Variants in KATNIP observed in about 807,000 individuals in gnomAD.
KATNIP encodes the protein katanin-interacting protein.
A neutral mutation model predicts 174.0 loss-of-function variants in KATNIP; 126 were observed. The observed-to-expected ratio is 0.72, with a 90% CI of 0.63 to 0.84. The LOEUF (loss-of-function observed/expected upper bound fraction) is 0.84. Ranked by LOEUF, KATNIP falls within the 40% of genes least tolerant of loss-of-function variation. The pLI is 0.00. For synonymous variants in KATNIP, 810 were observed against 835.7 expected (o/e 0.97, Z 0.53); for missense variants, 1,958 against 2,109.7 (o/e 0.93, Z 1.41).
intron 8 of KATNIP, among the ~76,000 whole-genome samples, chr16:27,683,061 C>T (rs1366668469): frequency 1.3e-5 from 2 of 152,134 alleles, no homozygotes; most frequent in African/African-American, 4.8e-5. Context: ...TTTGATATTA[C>T]CTAGTTTCAG....
At chr16:27,716,948 G>A (rs567542846) in intron 13 of KATNIP, among the ~76,000 whole-genome samples, 2 of 152,156 alleles carry the variant, frequency 1.3e-5, no homozygotes, top group East Asian at 1.9e-4. Context: ...GGGTTCGAGC[G>A]ATTCTTCTGC....
rs957053806 is a variant in KATNIP at position 27,780,258 on chromosome 16, G to T, written c.*1629G>T. ...ACCGCAGCTGATGTTTATAATAATC[G>T]TATGTACTGTGCAATTTAGGAGGGG... is the stretch of plus-strand genomic sequence containing the variant. On this transcript the variant is annotated 3_prime_UTR_variant, in exon 28 of 28. Coordinates refer to ENST00000261588, the MANE Select transcript of KATNIP (RefSeq NM_015202.5). 6.6e-6 allele frequency: 1 copy of T among 152,030 alleles called. No homozygotes were observed. Among genetic ancestry groups the T allele is most frequent in the African/African-American group, 2.4e-5 (1 of 41,282 alleles). 9.4% of individuals were successfully genotyped at this position (152,030 alleles called of 1,614,324 possible). A position where few individuals can be genotyped will look rare whatever the true frequency, so the allele number is the denominator to read the frequency against.
intron 2 of KATNIP, among the ~76,000 whole-genome samples, chr16:27,581,575 A>T (rs1471737391): frequency 6.6e-6 from 1 of 152,160 alleles, no homozygotes; most frequent in Non-Finnish European, 1.5e-5. Flanking sequence ...ACTTGGGGGT[A>T]TATCTAGCAC....
chr16:27,695,239 A>G (rs2078874664), intron 8 of KATNIP, among the ~76,000 whole-genome samples: 1 of 152,084 alleles, frequency 6.6e-6, no homozygotes, highest in Non-Finnish European at 1.5e-5. Flanking sequence ...CTGCACCTAC[A>G]TCAGATCTGG....
chr16:27,758,011 C>T (rs1379694426), intron 18 of KATNIP, among the ~76,000 whole-genome samples: 1 of 152,172 alleles, frequency 6.6e-6, no homozygotes, highest in Non-Finnish European at 1.5e-5. Context: ...TGTATAAATA[C>T]TAATTGATAC....
At chr16:27,761,811 A>T (rs1233739830) in intron 19 of KATNIP, among the ~76,000 whole-genome samples, 2 of 152,194 alleles carry the variant, frequency 1.3e-5, no homozygotes, top group South Asian at 4.1e-4. Flanking sequence ...TGGAAGTGTC[A>T]GGCGGGATTT....
chr16:27,671,085 C>T (rs568335789), intron 6 of KATNIP, among the ~76,000 whole-genome samples: 8 of 152,064 alleles, frequency 5.3e-5, no homozygotes, highest in South Asian at 4.2e-4. Flanking sequence ...CCCAGCTACT[C>T]GGGAGGCTGA....
chr16:27,710,685 A>G (rs1464930284), intron 13 of KATNIP, among the ~76,000 whole-genome samples: 1 of 152,140 alleles, frequency 6.6e-6, no homozygotes, highest in Non-Finnish European at 1.5e-5. Context: ...AAAATTTTTT[A>G]TAGAGACGGG....
intron 1 of KATNIP, among the ~76,000 whole-genome samples, chr16:27,569,056 A>G (rs2090190795): frequency 6.6e-6 from 1 of 152,220 alleles, no homozygotes. Flanking sequence ...TATTTTTATC[A>G]TGTACTATAT....
At chr16:27,691,156 A>T (rs565811223) in intron 8 of KATNIP, among the ~76,000 whole-genome samples, 1 of 152,048 alleles carries the variant, frequency 6.6e-6, no homozygotes, top group South Asian at 2.1e-4. Flanking sequence ...TTTTGCTGAG[A>T]CTCTGAATTT....
rs533574674 is a variant in KATNIP, at chr16:27,708,848, G to T, written c.1533G>T (p.Ser511=). Residue 511 remains serine, a synonymous_variant, in exon 13 of 28, where the codon TCG becomes TCT. Transcript: ENST00000261588. ...FDLNDTKLYV[S]PHDVDIRNTA... Reference sequence around the variant, plus strand: ...TGAATGACACAAAGCTTTATGTGTCGCCCCACGATGTGGATATCCGGAACA... The same window carrying T: ...TGAATGACACAAAGCTTTATGTGTCTCCCCACGATGTGGATATCCGGAACA... 2 of 1,613,984 alleles carry T rather than the reference G, an allele frequency of 1.2e-6. No homozygotes were observed. Among genetic ancestry groups the T allele is most frequent in the South Asian group, 2.2e-5 (2 of 91,066 alleles).
rs2082307924 is a variant in KATNIP at position 27,771,663 on chromosome 16, C to G, written c.4198+11C>G. 1.9e-6 allele frequency: 3 copies of G among 1,612,452 alleles called. No individual in the cohort carries two copies. The highest frequency in any genetic ancestry group is 1.3e-5 in the African/African-American group (1 of 74,902). ...TGATGCCCTGTGGCTGTATCCTTCTCCTCCCGCCCCACCAGCACATTCTGG... is the reference window on the plus strand; with the variant it reads ...TGATGCCCTGTGGCTGTATCCTTCTGCTCCCGCCCCACCAGCACATTCTGG... On this transcript the variant is annotated intron_variant, in intron 22 of 27. Coordinates refer to ENST00000261588, the MANE Select transcript of KATNIP (RefSeq NM_015202.5).
chr16:27,637,395 G>T lies in KATNIP; in HGVS notation c.408+6233G>T, dbSNP rs897420704. 2.6e-5 allele frequency among the ~76,000 whole-genome samples: 4 copies of T among 152,226 alleles called. No homozygotes were observed. Among genetic ancestry groups the T allele is most frequent in the African/African-American group, 9.6e-5 (4 of 41,468 alleles). On this transcript the variant is annotated intron_variant, in intron 5 of 27. Coordinates refer to ENST00000261588, the MANE Select transcript of KATNIP (RefSeq NM_015202.5). This position sits in a 1 kb window ranked among gnomAD's most constrained non-coding sequence, Gnocchi z 4.7. ...TGGAGCTCATGTTGATGGGGAGCGGGTGGGGAGGTTGGGAAGGCAAAGGAC... is the reference window on the plus strand; with the variant it reads ...TGGAGCTCATGTTGATGGGGAGCGGTTGGGGAGGTTGGGAAGGCAAAGGAC...
rs529650991 is a variant in KATNIP at position 27,778,780 on chromosome 16, C to T, written c.*151C>T. The T allele has an allele frequency of 1.2e-5, 8 of 665,210 alleles. No individual in the cohort carries two copies. The East Asian group carries it at 2.3e-4, about 19-fold the overall frequency. The allele number at this position is 665,210 out of a possible 1,614,324, so 41.2% of individuals were successfully genotyped here. Reference sequence around the variant, plus strand: ...GCTGGGAAGAGGGGACTCGGGAGGACAGCCCTGGATACTACCAGAGTGACA... The same window carrying T: ...GCTGGGAAGAGGGGACTCGGGAGGATAGCCCTGGATACTACCAGAGTGACA... On this transcript the variant is annotated 3_prime_UTR_variant, in exon 28 of 28. Transcript: ENST00000261588.
At chr16:27,574,181 T>A (rs1230447442) in intron 2 of KATNIP, 2 of 534,282 alleles carry the variant, frequency 3.7e-6, no homozygotes, top group East Asian at 6.3e-5. Context: ...GTGTATCAGT[T>A]AACTTTGTCT....
At chr16:27,652,265 C>G (rs1238890062) in intron 6 of KATNIP, among the ~76,000 whole-genome samples, 3 of 152,114 alleles carry the variant, frequency 2.0e-5, no homozygotes, top group Non-Finnish European at 4.4e-5. Context: ...GCAGGGGCTT[C>G]CCCTTGATGA....
At chr16:27,572,761 T>C (rs1350193618) in intron 1 of KATNIP, among the ~76,000 whole-genome samples, 1 of 152,182 alleles carries the variant, frequency 6.6e-6, no homozygotes, top group East Asian at 1.9e-4. Flanking sequence ...GCTGACCAGA[T>C]AAACCAAAAG....
chr16:27,696,713 G>T (rs1487982350), intron 8 of KATNIP, among the ~76,000 whole-genome samples: 3 of 151,162 alleles, frequency 2.0e-5, no homozygotes, highest in Non-Finnish European at 4.4e-5. Flanking sequence ...GTATTCTATA[G>T]TATTCCACAT....
intron 2 of KATNIP, among the ~76,000 whole-genome samples, chr16:27,576,431 AAAAAC>A (rs1221693125): frequency 8.5e-5 from 13 of 152,290 alleles, no homozygotes; most frequent in African/African-American, 3.1e-4. Flanking sequence ...GTTCGGTTAG[AAAAAC>A]AAAACAAAAA....
Sources: allele counts gnomAD v4.1 joint callset (sites outside exome capture counted in the v4.1 genomes callset), GRCh38; gene constraint gnomAD v4.1.1; non-coding constraint Gnocchi (gnomAD v3.1); transcripts MANE v1.5; gene names NCBI Gene and HGNC (gene_info 2026-07-23, HGNC 2026-07-21).